ZNF438: variants seen among roughly 807,000 people sequenced by gnomAD.
The protein encoded by ZNF438 is zinc finger protein 438.
A neutral mutation model predicts 38.0 loss-of-function variants in ZNF438; 25 were observed. The ratio of observed to expected loss-of-function variants is 0.66; its 90% CI spans 0.48 to 0.92. The LOEUF is 0.92. Ranked by LOEUF, ZNF438 falls within the 40% of genes least tolerant of loss-of-function variation. The probability of loss-of-function intolerance (pLI) is 0.00; values close to 1 mark genes in which losing one functional copy is unlikely to be tolerated. For synonymous variants in ZNF438, 372 were observed against 364.1 expected (o/e 1.02, Z -0.25); for missense variants, 1,007 against 999.6 (o/e 1.01, Z -0.10).
intron 1 of ZNF438, among the ~76,000 whole-genome samples, chr10:31,015,082 T>TG (rs1361192583): frequency 1.2e-4 from 18 of 152,162 alleles, no homozygotes; most frequent in African/African-American, 4.3e-4. Flanking sequence ...AGATTAGTCT[T>TG]GAACACCTGG....
intron 3 of ZNF438, among the ~76,000 whole-genome samples, chr10:30,889,471 TC>T (rs1436076574): frequency 2.0e-5 from 3 of 152,270 alleles, no homozygotes; most frequent in African/African-American, 7.2e-5. Flanking sequence ...AGTGGCACCA[TC>T]TTGGCTCACT....
intron 3 of ZNF438, among the ~76,000 whole-genome samples, chr10:30,892,604 TA>T (rs1332494026): frequency 6.6e-6 from 1 of 151,454 alleles, no homozygotes; most frequent in East Asian, 1.9e-4. Flanking sequence ...GTTCAAGCAC[TA>T]AAAAAAAGAG....
At chr10:30,946,908 C>T (rs934598723) in intron 1 of ZNF438, among the ~76,000 whole-genome samples, 1 of 152,038 alleles carries the variant, frequency 6.6e-6, no homozygotes, top group Non-Finnish European at 1.5e-5. Context: ...TGATTGTGCT[C>T]GTGTTTAAAA....
rs550425882 is a variant in ZNF438, at chr10:30,889,084, G to T, written c.-31-12019C>A. Among the ~76,000 whole-genome samples, 6 of 152,198 alleles carry T rather than the reference G, an allele frequency of 3.9e-5. No homozygotes were observed. In the East Asian group the frequency reaches 1.2e-3, roughly 29 times the overall value. On this transcript the variant is annotated intron_variant, in intron 3 of 5. Coordinates refer to ENST00000413025, the Ensembl canonical transcript of ZNF438. ...CAATAATATCTAATAGAAGCTAATA[G>T]TACATAAATCCTGACTAATAATAGT...
intron 1 of ZNF438, among the ~76,000 whole-genome samples, chr10:30,970,368 C>T (rs180811795): frequency 1.3e-4 from 20 of 152,258 alleles, no homozygotes; most frequent in African/African-American, 4.6e-4. Flanking sequence ...CCACCTAATA[C>T]TAGCACATTT....
At chr10:30,871,040 T>C (rs2037329716) in intron 4 of ZNF438, among the ~76,000 whole-genome samples, 2 of 151,938 alleles carry the variant, frequency 1.3e-5, no homozygotes, top group Non-Finnish European at 2.9e-5. Flanking sequence ...AAGAAAAAAA[T>C]AGAGAGCTTA....
At chr10:30,857,379 C>T (rs922701919) in intron 4 of ZNF438, among the ~76,000 whole-genome samples, 1 of 151,768 alleles carries the variant, frequency 6.6e-6, no homozygotes, top group Non-Finnish European at 1.5e-5. Flanking sequence ...CTTAGCCTCC[C>T]GAGTAGCTGG....
intron 2 of ZNF438, among the ~76,000 whole-genome samples, chr10:30,924,917 T>C (rs2044735708): frequency 6.6e-6 from 1 of 152,208 alleles, no homozygotes; most frequent in Non-Finnish European, 1.5e-5. Flanking sequence ...TTCTTAGTTT[T>C]GATAAATATA....
intron 1 of ZNF438, among the ~76,000 whole-genome samples, chr10:30,944,498 T>C (rs1203555147): frequency 2.6e-5 from 4 of 152,048 alleles, no homozygotes; most frequent in Non-Finnish European, 5.9e-5. Context: ...TGAAGAAAAC[T>C]ATATGGGGGT....
At chr10:30,853,746 C>A (rs2132897984) in intron 4 of ZNF438, among the ~76,000 whole-genome samples, 1 of 152,356 alleles carries the variant, frequency 6.6e-6, no homozygotes, top group Non-Finnish European at 1.5e-5. Context: ...CCTGTAATCC[C>A]AGCACTTTGG....
rs550709711 is a variant in ZNF438 at position 30,930,442 on chromosome 10, C to G, written c.-115+11133G>C. Among the ~76,000 whole-genome samples, 523 of 152,214 alleles carry G rather than the reference C, an allele frequency of 3.4e-3. 4 individuals are homozygous for G. Among genetic ancestry groups the G allele is most frequent in the African/African-American group, 0.011 (466 of 41,528 alleles). On this transcript the variant is annotated intron_variant, in intron 2 of 5. Coordinates refer to ENST00000413025, the Ensembl canonical transcript of ZNF438. ...ATCTCCCTCCACATCTCCCCACAAG[C>G]AGAGGGAGCCGGCTCTGGCCTCAGC... is the stretch of plus-strand genomic sequence containing the variant.
At chr10:30,911,980 T>C (rs2043125994) in intron 2 of ZNF438, among the ~76,000 whole-genome samples, 1 of 152,046 alleles carries the variant, frequency 6.6e-6, no homozygotes, top group Non-Finnish European at 1.5e-5. Flanking sequence ...ATGAAAATAT[T>C]ATTCCTTCTC....
intron 1 of ZNF438, among the ~76,000 whole-genome samples, chr10:30,963,479 G>A (rs755732753): frequency 1.5e-4 from 22 of 150,756 alleles, no homozygotes; most frequent in African/African-American, 1.7e-4. Context: ...GACAAATATC[G>A]ATAGCCACCT....
At position 30,848,988 on chromosome 10, in the gene ZNF438, A is replaced by C. The variant is rs1341608813; in HGVS notation, c.1417T>G (p.Ser473Ala). The C allele has an allele frequency of 7.4e-6, 12 of 1,614,020 alleles. No individual in the cohort carries two copies. Among genetic ancestry groups the C allele is most frequent in the South Asian group, 1.1e-5 (1 of 91,078 alleles). Residue 473 changes from serine (S) to alanine (A), a missense_variant, in exon 5 of 6, where the codon TCA becomes GCA. By Grantham distance (99) the Ser-to-Ala change is moderately conservative. Transcript: ENST00000413025. ...CAGCCAAGATATTTAGGAGTGAGTG[A>C]ATTATTTAACAAAACATCCTGTCCT...
Position 31,003,043 on chromosome 10 carries a change from A to G in ZNF438, c.-192+28790T>C, listed in dbSNP as rs185564046. On this transcript the variant is annotated intron_variant, in intron 1 of 5. Transcript: ENST00000413025. ...CAAATTAGCAAAGGGGGCTCAGTCC[A>G]GTGGTATACAGGTGAACACGTCTGA... Among the ~76,000 whole-genome samples the G allele has an allele frequency of 3.8e-3, 582 of 152,258 alleles. 7 individuals carry two copies. The highest frequency in any genetic ancestry group is 2.8e-3 in the Non-Finnish European group (188 of 68,016).
intron 4 of ZNF438, among the ~76,000 whole-genome samples, chr10:30,865,870 G>A (rs10826879): frequency 0.59 from 90,116 of 152,030 alleles, 27,026 homozygotes; most frequent in African/African-American, 0.65. Flanking sequence ...TTAGCAAGAG[G>A]GGATTAGATT....
chr10:30,974,415 G>A (rs896231047), intron 1 of ZNF438, among the ~76,000 whole-genome samples: 2 of 152,218 alleles, frequency 1.3e-5, no homozygotes, highest in Non-Finnish European at 2.9e-5. Flanking sequence ...CAAGGCTGCA[G>A]TAAGCTATCA....
At chr10:30,989,644 T>C (rs1447698640) in intron 1 of ZNF438, among the ~76,000 whole-genome samples, 1 of 152,164 alleles carries the variant, frequency 6.6e-6, no homozygotes, top group Admixed American at 6.5e-5. Flanking sequence ...GGGGCGAGAA[T>C]GTATGCAAAA....
At chr10:30,949,274 C>A (rs187077743) in intron 1 of ZNF438, among the ~76,000 whole-genome samples, 1 of 151,942 alleles carries the variant, frequency 6.6e-6, no homozygotes, top group African/African-American at 2.4e-5. Flanking sequence ...AAGGAAAAAC[C>A]GGTACCAGCC....
Sources: gnomAD v4.1 joint callset for allele counts (sites outside exome capture counted in the v4.1 genomes callset) on GRCh38, gnomAD v4.1.1 for gene constraint, MANE v1.5 for transcripts, NCBI Gene and HGNC (gene_info 2026-07-23, HGNC 2026-07-21) for gene names.